Variants in NAA11 observed in about 807,000 individuals in gnomAD.
NAA11 encodes N-alpha-acetyltransferase 11.
In NAA11, 15 loss-of-function variants were observed where a neutral mutation model predicts 16.1. The ratio of observed to expected loss-of-function variants is 0.93; its 90% CI spans 0.62 to 1.44. The LOEUF is 1.44. Ranked by LOEUF, NAA11 falls within the 40% of genes most tolerant of loss-of-function variation. The pLI, the probability that NAA11 is intolerant of heterozygous loss-of-function variation, is 0.00. For synonymous variants in NAA11, 122 were observed against 112.4 expected, an observed-to-expected ratio of 1.09 and a Z score of -0.54; for missense variants, 298 against 291.3, an observed-to-expected ratio of 1.02 and a Z score of -0.17.
the NAA11 span, among the ~76,000 whole-genome samples, chr4:79,191,945 A>G: frequency 6.6e-6 from 1 of 151,880 alleles, no homozygotes; most frequent in African/African-American, 2.4e-5. Context: ...GAGAGTCTTT[A>G]CCCTCTTTCT....
chr4:79,265,091 T>C (rs1193567616), intron 2 of NAA11, among the ~76,000 whole-genome samples: 1 of 152,192 alleles, frequency 6.6e-6, no homozygotes, highest in Non-Finnish European at 1.5e-5. Flanking sequence ...AATCCCATCC[T>C]CCCAGTTGGT....
chr4:79,264,773 T>C (rs570078257), intron 2 of NAA11, among the ~76,000 whole-genome samples: 2 of 152,214 alleles, frequency 1.3e-5, no homozygotes, highest in African/African-American at 2.4e-5. Context: ...TTTCTCTAAA[T>C]GCATCGGGTC....
At chr4:79,251,634 A>T (rs1162820888) in intron 2 of NAA11, among the ~76,000 whole-genome samples, 2 of 72,966 alleles carry the variant, frequency 2.7e-5, no homozygotes, top group African/African-American at 6.2e-5. Flanking sequence ...AATAAAAGTG[A>T]ATTAAAAAAA....
intron 2 of NAA11, among the ~76,000 whole-genome samples, chr4:79,257,914 T>C (rs1350056715): frequency 1.3e-5 from 2 of 152,260 alleles, no homozygotes; most frequent in East Asian, 1.9e-4. Flanking sequence ...AATTTGTCTA[T>C]ATGTAATCAT....
chr4:79,180,472 G>A, the NAA11 span, among the ~76,000 whole-genome samples: 4 of 151,988 alleles, frequency 2.6e-5, no homozygotes, highest in Admixed American at 6.6e-5. Context: ...AACAGACACA[G>A]GAAAAAATGC....
At chr4:79,196,979 A>AG in the NAA11 span, among the ~76,000 whole-genome samples, 199 of 125,510 alleles carry the variant, frequency 1.6e-3, no homozygotes, top group Middle Eastern at 8.1e-3. Context: ...AAAAAAAAAA[A>AG]AAAGAAAGAA....
intron 2 of NAA11, among the ~76,000 whole-genome samples, chr4:79,260,298 G>T (rs1722220063): frequency 6.6e-6 from 1 of 152,190 alleles, no homozygotes. Flanking sequence ...TGTTGCAAAT[G>T]TCCATTGGTT....
At chr4:79,241,100 T>A (rs1174746514) in intron 2 of NAA11, among the ~76,000 whole-genome samples, 2 of 152,136 alleles carry the variant, frequency 1.3e-5, no homozygotes, top group African/African-American at 4.8e-5. Flanking sequence ...CACTTGTACA[T>A]AGATTTTCTT....
the NAA11 span, among the ~76,000 whole-genome samples, chr4:79,193,541 T>G: frequency 9.2e-4 from 140 of 152,300 alleles, no homozygotes; most frequent in African/African-American, 3.2e-3. Flanking sequence ...GTTGTAGATA[T>G]GCAGCATTAT....
At position 79,324,352 on chromosome 4, in the gene NAA11, T is replaced by C. The variant is rs563680106; in HGVS notation, c.*12+824A>G. Among the ~76,000 whole-genome samples the C allele has an allele frequency of 9.1e-4, 139 of 152,336 alleles. No homozygotes were observed. The Middle Eastern group carries it at 0.017, about 19-fold the overall frequency. ...TAGTCCCCGTTCAAATTTTGCCTGA[T>C]TATCTCAAAAATGTCTTATACATGG... On this transcript the variant is annotated intron_variant, in intron 1 of 1. Coordinates refer to ENST00000286794, the MANE Select transcript of NAA11 (RefSeq NM_032693.3).
intron 2 of NAA11, among the ~76,000 whole-genome samples, chr4:79,231,567 A>T (rs899344487): frequency 6.6e-6 from 1 of 151,940 alleles, no homozygotes; most frequent in African/African-American, 2.4e-5. Flanking sequence ...TTGAAAAATT[A>T]TATGAATCCC....
chr4:79,272,848 T>A (rs1317400036), intron 2 of NAA11, among the ~76,000 whole-genome samples: 1 of 151,820 alleles, frequency 6.6e-6, no homozygotes, highest in African/African-American at 2.4e-5. Flanking sequence ...CTGGAACGGG[T>A]TGAATTGCTA....
intron 2 of NAA11, among the ~76,000 whole-genome samples, chr4:79,240,796 A>G (rs888015129): frequency 6.6e-6 from 1 of 152,174 alleles, no homozygotes; most frequent in Non-Finnish European, 1.5e-5. Context: ...AAGGAGGACC[A>G]TGTTTGAAAT....
At chr4:79,169,666 T>C in the NAA11 span, among the ~76,000 whole-genome samples, 1 of 152,148 alleles carries the variant, frequency 6.6e-6, no homozygotes, top group Non-Finnish European at 1.5e-5. Flanking sequence ...ACCTAGGCAA[T>C]ACCATTCAGG....
chr4:79,238,060 G>T (rs1721611841), intron 2 of NAA11, among the ~76,000 whole-genome samples: 1 of 152,210 alleles, frequency 6.6e-6, no homozygotes, highest in Admixed American at 6.5e-5. Context: ...GTAGACAGCT[G>T]CTGTAGCTAC....
chr4:79,315,583 T>C (rs1008587042), downstream of NAA11, among the ~76,000 whole-genome samples: 2 of 152,146 alleles, frequency 1.3e-5, no homozygotes, highest in Non-Finnish European at 2.9e-5. Context: ...ATATAGCTAG[T>C]ATAAGGGTAT....
the NAA11 span, among the ~76,000 whole-genome samples, chr4:79,174,471 A>G: frequency 6.6e-6 from 1 of 151,912 alleles, no homozygotes; most frequent in Admixed American, 6.6e-5. Flanking sequence ...ATACAGTCTC[A>G]GTAGAGAGTA....
At chr4:79,184,190 TA>T in the NAA11 span, among the ~76,000 whole-genome samples, 2 of 152,218 alleles carry the variant, frequency 1.3e-5, no homozygotes, top group Non-Finnish European at 1.5e-5. Flanking sequence ...CTTGTTTTGA[TA>T]AAACCCATAT....
At chr4:79,277,706 C>G (rs752950088) in intron 2 of NAA11, among the ~76,000 whole-genome samples, 1 of 151,996 alleles carries the variant, frequency 6.6e-6, no homozygotes. Flanking sequence ...CCCTGACTCC[C>G]GCCAAAGCAC....
Sources: gnomAD v4.1 joint callset for allele counts (sites outside exome capture counted in the v4.1 genomes callset) on GRCh38, gnomAD v4.1.1 for gene constraint, MANE v1.5 for transcripts, NCBI Gene and HGNC (gene_info 2026-07-23, HGNC 2026-07-21) for gene names.